Variants in RBFOX1 observed in about 807,000 individuals in gnomAD.
RBFOX1 encodes RNA binding protein fox-1 homolog 1.
A neutral mutation model predicts 57.7 loss-of-function variants in RBFOX1; 8 were observed. The observed-to-expected ratio is 0.14, with a 90% confidence interval of 0.08 to 0.25. RBFOX1 has a LOEUF of 0.25. Ranked by LOEUF, RBFOX1 falls within the 10% of genes least tolerant of loss-of-function variation. The probability of loss-of-function intolerance (pLI) is 1.00; values close to 1 mark genes in which losing one functional copy is unlikely to be tolerated. For missense variants in RBFOX1, 611 were observed against 548.5 expected, an observed-to-expected ratio of 1.11 and a Z score of -1.14; for synonymous variants, 326 against 222.4, an observed-to-expected ratio of 1.47 and a Z score of -4.15.
chr16:6,863,889 A>G (rs1266865011), intron 3 of RBFOX1, among the ~76,000 whole-genome samples: 3 of 151,758 alleles, frequency 2.0e-5, no homozygotes, highest in African/African-American at 7.3e-5. Flanking sequence ...TGTTTATTAA[A>G]CAGTTACCAA....
At chr16:7,001,398 T>TTGTATATGTATATGTATATGTATA (rs55910456) in intron 3 of RBFOX1, among the ~76,000 whole-genome samples, 5 of 100,888 alleles carry the variant, frequency 5.0e-5, no homozygotes, top group African/African-American at 6.9e-5. Flanking sequence ...GTATGTGTAT[T>TTGTATATGTATATGTATATGTATA]TGTATATGTA....
At position 5,948,735 on chromosome 16, in the gene RBFOX1, G is replaced by C. The variant is rs546833325; in HGVS notation, c.351+81400G>C. On this transcript the variant is annotated intron_variant, in intron 4 of 19. Transcript: ENST00000641259. ...GCAGGATGGAACCAACCCTACCAGTGCTTTGATTTCAGACTTTCAGTCTCC... is the reference window on the plus strand; with the variant it reads ...GCAGGATGGAACCAACCCTACCAGTCCTTTGATTTCAGACTTTCAGTCTCC... 5.1e-4 allele frequency among the ~76,000 whole-genome samples: 77 copies of C among 152,264 alleles called. 1 individual carries two copies. The highest frequency in any genetic ancestry group is 1.9e-3 in the African/African-American group (77 of 41,558).
intron 3 of RBFOX1, among the ~76,000 whole-genome samples, chr16:6,817,854 T>A (rs574677340): frequency 6.6e-6 from 1 of 152,182 alleles, no homozygotes; most frequent in East Asian, 1.9e-4. Flanking sequence ...GTGACTCATA[T>A]CAGACAGGAG....
intron 3 of RBFOX1, among the ~76,000 whole-genome samples, chr16:7,044,256 C>T (rs1267893513): frequency 6.6e-6 from 1 of 152,084 alleles, no homozygotes. Context: ...TTCCAAACAT[C>T]GTACTCATCT....
chr16:5,660,580 T>C (rs191384168), intron 3 of RBFOX1, among the ~76,000 whole-genome samples: 4 of 152,316 alleles, frequency 2.6e-5, no homozygotes, highest in African/African-American at 7.2e-5. Context: ...CTTGGGAAGA[T>C]AGGGAATTTA....
At chr16:5,617,987 T>C (rs1263004726) in intron 3 of RBFOX1, among the ~76,000 whole-genome samples, 1 of 152,190 alleles carries the variant, frequency 6.6e-6, no homozygotes, top group Non-Finnish European at 1.5e-5. Context: ...CAGGAAATGG[T>C]TGGCAATTTT....
chr16:5,318,245 C>T (rs1423728435), intron 1 of RBFOX1, among the ~76,000 whole-genome samples: 1 of 152,164 alleles, frequency 6.6e-6, no homozygotes, highest in Non-Finnish European at 1.5e-5. Context: ...TCTTGTTCCT[C>T]AGTATCCCAA....
intron 3 of RBFOX1, among the ~76,000 whole-genome samples, chr16:5,639,790 C>G (rs1567332878): frequency 6.6e-6 from 1 of 152,148 alleles, no homozygotes; most frequent in African/African-American, 2.4e-5. Flanking sequence ...GTGTGGTTTC[C>G]AGTCCCCTGG....
At position 5,842,521 on chromosome 16, in the gene RBFOX1, CAG is replaced by C. The variant is rs375472049; in HGVS notation, c.319-24781_319-24780del. Among the ~76,000 whole-genome samples, 46 of 152,280 alleles carry C rather than the reference CAG, an allele frequency of 3.0e-4. 1 individual carries two copies. The highest frequency in any genetic ancestry group is 3.4e-3 in the Middle Eastern group (1 of 294). ...CATTTCAGTCCCTAAGTGCATGCTG[CAG>C]GTGTTCATTCATGTATTCATTCATT... On this transcript the variant is annotated intron_variant, in intron 3 of 19. Transcript: ENST00000641259.
At chr16:6,911,811 C>T (rs1343380329) in intron 3 of RBFOX1, among the ~76,000 whole-genome samples, 4 of 152,074 alleles carry the variant, frequency 2.6e-5, no homozygotes, top group Non-Finnish European at 4.4e-5. Context: ...TCTTCTTTTT[C>T]AGTAAATGAA....
At chr16:7,356,718 C>G (rs960148936) in intron 4 of RBFOX1, among the ~76,000 whole-genome samples, 1 of 152,160 alleles carries the variant, frequency 6.6e-6, no homozygotes, top group Admixed American at 6.5e-5. Flanking sequence ...TTAAATAAGA[C>G]AAATACGTTA....
chr16:5,842,664 G>T (rs947906162), intron 3 of RBFOX1, among the ~76,000 whole-genome samples: 12 of 152,192 alleles, frequency 7.9e-5, no homozygotes, highest in Non-Finnish European at 2.9e-5. Context: ...TTCCTTCAAA[G>T]AATGGATTTC....
At chr16:6,263,416 C>A (rs1437703314) in intron 1 of RBFOX1, among the ~76,000 whole-genome samples, 2 of 152,072 alleles carry the variant, frequency 1.3e-5, no homozygotes, top group African/African-American at 2.4e-5. Context: ...TAAACACATT[C>A]AATTGGTTGG....
chr16:6,496,229 A>G (rs935676427), intron 2 of RBFOX1, among the ~76,000 whole-genome samples: 1 of 152,110 alleles, frequency 6.6e-6, no homozygotes, highest in Non-Finnish European at 1.5e-5. Context: ...GCAAATTTAG[A>G]CTAGATTGTT....
rs373250771 is a variant in RBFOX1, at chr16:6,645,793, G to A, written c.-63-8810G>A. Among the ~76,000 whole-genome samples the A allele has an allele frequency of 6.6e-5, 10 of 152,252 alleles. No homozygotes were observed. In the East Asian group the frequency reaches 1.5e-3, roughly 24 times the overall value. On this transcript the variant is annotated intron_variant, in intron 2 of 15. Transcript: ENST00000550418. The stretch of plus-strand genomic sequence containing the variant: ...ACTTGCCATATGCTAAGACCCTGGC[G>A]TGTATTGGATATGCCTAGCCACAAA...
intron 4 of RBFOX1, among the ~76,000 whole-genome samples, chr16:5,878,695 C>T (rs943855366): frequency 6.3e-5 from 9 of 143,868 alleles, no homozygotes; most frequent in South Asian, 4.3e-4. Context: ...CAATCGGGGT[C>T]GAAAAAAAAG....
intron 4 of RBFOX1, among the ~76,000 whole-genome samples, chr16:7,217,555 T>A (rs1420346447): frequency 7.2e-5 from 11 of 152,082 alleles, no homozygotes; most frequent in Admixed American, 5.9e-4. Context: ...TCACTCTTTA[T>A]CTTATCCCTC....
chr16:5,317,036 C>T (rs1196229534), intron 1 of RBFOX1, among the ~76,000 whole-genome samples: 1 of 152,168 alleles, frequency 6.6e-6, no homozygotes, highest in African/African-American at 2.4e-5. Context: ...AGCCTTTGGG[C>T]TCTGGGACTT....
At chr16:7,000,522 A>G (rs1347058757) in intron 3 of RBFOX1, among the ~76,000 whole-genome samples, 1 of 149,852 alleles carries the variant, frequency 6.7e-6, no homozygotes, top group African/African-American at 2.5e-5. Context: ...AAGTTTGATG[A>G]GATTTTTGTT....
Sources: gnomAD v4.1 joint callset for allele counts (sites outside exome capture counted in the v4.1 genomes callset) on GRCh38, gnomAD v4.1.1 for gene constraint, MANE v1.5 for transcripts, NCBI Gene and HGNC (gene_info 2026-07-23, HGNC 2026-07-21) for gene names.